Variants in GPHN observed in about 807,000 individuals in gnomAD.
The protein encoded by GPHN is gephyrin.
In GPHN, 17 loss-of-function variants were observed where a neutral mutation model predicts 95.5. The ratio of observed to expected loss-of-function variants is 0.18; its 90% CI spans 0.12 to 0.27. The LOEUF (loss-of-function observed/expected upper bound fraction) is 0.27, where lower values mean the gene tolerates loss of function less well. Among genes scored for constraint, GPHN ranks in the 10% least tolerant of loss-of-function variants. The pLI is 1.00. For synonymous variants in GPHN, 320 were observed against 322.5 expected, an observed-to-expected ratio of 0.99 and a Z score of 0.08; for missense variants, 660 against 978.1, an observed-to-expected ratio of 0.67 and a Z score of 4.34.
chr14:66,721,240 A>T (rs1293148088), intron 2 of GPHN, among the ~76,000 whole-genome samples: 1 of 152,206 alleles, frequency 6.6e-6, no homozygotes, highest in East Asian at 1.9e-4. Flanking sequence ...AGAAGAATCA[A>T]AGTAAAACAA....
At chr14:67,134,253 G>A (rs918041849) in intron 17 of GPHN, among the ~76,000 whole-genome samples, 4 of 152,050 alleles carry the variant, frequency 2.6e-5, no homozygotes, top group East Asian at 1.9e-4. Flanking sequence ...TCTATTGTTC[G>A]ATGGCTGTTA....
the GPHN span, among the ~76,000 whole-genome samples, chr14:67,597,783 C>T: frequency 1.7e-5 from 2 of 116,446 alleles, no homozygotes; most frequent in African/African-American, 6.2e-5. Context: ...GACATTAAAG[C>T]ACACAGGAAT....
chr14:67,296,811 T>C, the GPHN span, among the ~76,000 whole-genome samples: 1 of 152,094 alleles, frequency 6.6e-6, no homozygotes, highest in Non-Finnish European at 1.5e-5. Flanking sequence ...TATGGCTCAC[T>C]GCAACCTCAA....
intron 1 of GPHN, among the ~76,000 whole-genome samples, chr14:66,556,041 G>C (rs992363258): frequency 3.9e-5 from 6 of 152,096 alleles, no homozygotes; most frequent in African/African-American, 1.4e-4. Flanking sequence ...CTACAAACCT[G>C]TATAAATGTT....
chr14:66,850,471 A>G (rs1005331627), intron 4 of GPHN, among the ~76,000 whole-genome samples: 5 of 152,138 alleles, frequency 3.3e-5, no homozygotes, highest in African/African-American at 1.2e-4. Context: ...CCATTTCAGA[A>G]CCCAGAGATT....
At chr14:66,879,494 A>G (rs1290273332) in intron 4 of GPHN, among the ~76,000 whole-genome samples, 2 of 152,042 alleles carry the variant, frequency 1.3e-5, no homozygotes, top group African/African-American at 4.8e-5. Flanking sequence ...GATCCTTTTA[A>G]TTCTATTATA....
At chr14:66,752,581 A>G (rs1047180811) in intron 2 of GPHN, among the ~76,000 whole-genome samples, 3 of 152,130 alleles carry the variant, frequency 2.0e-5, no homozygotes, top group Non-Finnish European at 2.9e-5. Flanking sequence ...ATATGGGCTC[A>G]ATTGATGTTG....
intron 9 of GPHN, among the ~76,000 whole-genome samples, chr14:67,006,323 G>C (rs566256283): frequency 1.3e-4 from 19 of 151,770 alleles, no homozygotes; most frequent in Non-Finnish European, 2.2e-4. Context: ...CCAAAAAAAG[G>C]GTCTATTTTC....
At chr14:66,673,797 C>T (rs2066432120) in intron 1 of GPHN, among the ~76,000 whole-genome samples, 2 of 147,506 alleles carry the variant, frequency 1.4e-5, no homozygotes, top group South Asian at 2.1e-4. Context: ...AGCAAATTAG[C>T]CAATTTTTTT....
intron 2 of GPHN, among the ~76,000 whole-genome samples, chr14:66,688,161 T>G (rs911898478): frequency 6.6e-6 from 1 of 152,122 alleles, no homozygotes; most frequent in Non-Finnish European, 1.5e-5. Flanking sequence ...ATAACAAAAT[T>G]AAGAAAAAGA....
chr14:67,643,772 C>G, the GPHN span, among the ~76,000 whole-genome samples: 16 of 144,438 alleles, frequency 1.1e-4, no homozygotes, highest in South Asian at 2.4e-3. Flanking sequence ...CCCTGAGGTG[C>G]TGAGAAAGCT....
chr14:67,720,261 A>G, the GPHN span, among the ~76,000 whole-genome samples: 3 of 152,032 alleles, frequency 2.0e-5, no homozygotes, highest in Admixed American at 6.6e-5. Context: ...GATTTGTAAG[A>G]GTTCTTTATC....
chr14:67,694,611 C>G, the GPHN span, among the ~76,000 whole-genome samples: 16 of 150,140 alleles, frequency 1.1e-4, no homozygotes, highest in East Asian at 3.1e-3. Context: ...ATAAGAGGAT[C>G]TTGTAGTGAA....
intron 8 of GPHN, among the ~76,000 whole-genome samples, chr14:66,929,587 T>C (rs997158241): frequency 6.6e-6 from 1 of 152,202 alleles, no homozygotes; most frequent in Non-Finnish European, 1.5e-5. Context: ...TCTCTTTTTA[T>C]AGTGTTTGTC....
chr14:67,296,037 G>C, the GPHN span, among the ~76,000 whole-genome samples: 1 of 152,170 alleles, frequency 6.6e-6, no homozygotes, highest in Non-Finnish European at 1.5e-5. Flanking sequence ...GAAGTGCTAT[G>C]ATGGCAATAT....
the GPHN span, among the ~76,000 whole-genome samples, chr14:67,536,680 C>T: frequency 6.6e-6 from 1 of 151,876 alleles, no homozygotes; most frequent in Admixed American, 6.5e-5. Flanking sequence ...TCAAAAGCCA[C>T]AATATCTTTA....
chr14:66,730,893 C>T (rs932346032), intron 2 of GPHN, among the ~76,000 whole-genome samples: 2 of 152,128 alleles, frequency 1.3e-5, no homozygotes, highest in African/African-American at 4.8e-5. Flanking sequence ...ATTGTAATCC[C>T]CATGTGTCAA....
chr14:66,675,293 T>C (rs191735680), intron 1 of GPHN, among the ~76,000 whole-genome samples: 127 of 152,110 alleles, frequency 8.3e-4, no homozygotes, highest in Admixed American at 6.4e-3. Flanking sequence ...TATAGGCACG[T>C]ACCACCACGC....
At chr14:67,095,613 G>C (rs1050367420) in intron 12 of GPHN, among the ~76,000 whole-genome samples, 15 of 151,242 alleles carry the variant, frequency 9.9e-5, no homozygotes, top group Non-Finnish European at 1.9e-4. Context: ...AAAACGATGA[G>C]TTCATGTCCT....
Sources: gnomAD v4.1 joint callset for allele counts (sites outside exome capture counted in the v4.1 genomes callset) on GRCh38, gnomAD v4.1.1 for gene constraint, MANE v1.5 for transcripts, NCBI Gene and HGNC (gene_info 2026-07-23, HGNC 2026-07-21) for gene names.